The following BLTP1 variants were observed in gnomAD, a reference collection of about 807,000 sequenced individuals.
BLTP1 encodes fragile site-associated protein.
the BLTP1 span, among the ~76,000 whole-genome samples, chr4:122,178,439 G>A: frequency 2.6e-5 from 4 of 152,148 alleles, no homozygotes; most frequent in Non-Finnish European, 5.9e-5. Flanking sequence ...ATAAACAAAC[G>A]GTGACTGTAT....
At chr4:122,175,284 T>G in the BLTP1 span, 2 of 984,008 alleles carry the variant, frequency 2.0e-6, no homozygotes, top group South Asian at 9.4e-5. Flanking sequence ...AGTCTAAAAT[T>G]ATTTCCCAAT....
At chr4:122,237,469 C>T in the BLTP1 span, 2 of 625,180 alleles carry the variant, frequency 3.2e-6, no homozygotes, top group Non-Finnish European at 4.0e-6. Context: ...AAAAATGATA[C>T]AGTCCCTGTC....
the BLTP1 span, chr4:122,220,917 A>C: frequency 1.2e-5 from 2 of 173,530 alleles, no homozygotes; most frequent in Non-Finnish European, 2.3e-5. Context: ...AATTCCTTCA[A>C]GATACCTCTG....
chr4:122,362,313 A>T, the BLTP1 span: 3 of 1,233,160 alleles, frequency 2.4e-6, no homozygotes, highest in Non-Finnish European at 3.4e-6. Context: ...GTGTTTTTTT[A>T]GTATAATAAT....
chr4:122,285,842 TCTC>T, the BLTP1 span, among the ~76,000 whole-genome samples: 2 of 152,200 alleles, frequency 1.3e-5, no homozygotes, highest in South Asian at 4.1e-4. Context: ...TAATAAGGCT[TCTC>T]CTTATGCCCT....
chr4:122,340,389 T>C, the BLTP1 span, among the ~76,000 whole-genome samples: 1 of 152,114 alleles, frequency 6.6e-6, no homozygotes, highest in African/African-American at 2.4e-5. Context: ...CCTTTCTGAT[T>C]TGTAAGGAAA....
At chr4:122,313,609 TG>T in the BLTP1 span, 36 of 1,565,118 alleles carry the variant, frequency 2.3e-5, no homozygotes, top group Non-Finnish European at 3.0e-5. Flanking sequence ...AAACTATTTT[TG>T]GGGTGATTTT....
At chr4:122,215,411 G>A in the BLTP1 span, 2 of 985,206 alleles carry the variant, frequency 2.0e-6, no homozygotes, top group African/African-American at 1.7e-5. Flanking sequence ...CTTAAAATGA[G>A]TGCTGGTAAC....
the BLTP1 span, chr4:122,352,759 T>A: frequency 5.6e-6 from 5 of 898,862 alleles, no homozygotes; most frequent in East Asian, 9.8e-5. Context: ...CTTTATTAGC[T>A]ATTGCTTAAT....
At chr4:122,177,039 T>C in the BLTP1 span, among the ~76,000 whole-genome samples, 9,771 of 152,246 alleles carry the variant, frequency 0.064, 891 homozygotes, top group African/African-American at 0.2. Flanking sequence ...TCATCATCCT[T>C]GATTTCTCCT....
the BLTP1 span, among the ~76,000 whole-genome samples, chr4:122,201,559 C>G: frequency 6.6e-6 from 1 of 152,116 alleles, no homozygotes; most frequent in Non-Finnish European, 1.5e-5. Context: ...TTTCTGTTGG[C>G]ATGGATAATT....
At chr4:122,158,780 A>G in the BLTP1 span, among the ~76,000 whole-genome samples, 1 of 152,176 alleles carries the variant, frequency 6.6e-6, no homozygotes, top group East Asian at 1.9e-4. Flanking sequence ...CAAAAAAAAA[A>G]TAGTTTTTGA....
chr4:122,299,856 T>G, the BLTP1 span: 1 of 984,926 alleles, frequency 1.0e-6, no homozygotes, highest in Non-Finnish European at 1.2e-6. Context: ...TAATTATAAG[T>G]TGAAGAAAAG....
the BLTP1 span, chr4:122,272,254 G>A: frequency 4.3e-6 from 7 of 1,613,194 alleles, no homozygotes; most frequent in Non-Finnish European, 5.9e-6. Flanking sequence ...AACGTAGCTT[G>A]GTAACTTCTG....
the BLTP1 span, among the ~76,000 whole-genome samples, chr4:122,278,174 TAAA>T: frequency 6.6e-6 from 1 of 151,834 alleles, no homozygotes; most frequent in African/African-American, 2.4e-5. Flanking sequence ...ATTAAAGATA[TAAA>T]AAAAATAAAC....
At chr4:122,299,098 G>C in the BLTP1 span, 6 of 953,366 alleles carry the variant, frequency 6.3e-6, no homozygotes, top group Non-Finnish European at 7.5e-6. Flanking sequence ...ATTTAATTAG[G>C]GAAATTGCTG....
chr4:122,185,063 G>A, the BLTP1 span: 13 of 985,320 alleles, frequency 1.3e-5, no homozygotes, highest in Non-Finnish European at 1.6e-5. Flanking sequence ...TACTAGTGAA[G>A]TAATAGTGAA....
chr4:122,229,065 A>T, the BLTP1 span: 4 of 1,406,426 alleles, frequency 2.8e-6, no homozygotes, highest in African/African-American at 5.9e-5. Flanking sequence ...TGACTTAAGT[A>T]TCAAAATAAT....
chr4:122,164,191 G>T, the BLTP1 span, among the ~76,000 whole-genome samples: 7 of 152,200 alleles, frequency 4.6e-5, no homozygotes, highest in South Asian at 2.1e-4. Context: ...AGATGACTAG[G>T]TTAGAATTTT....
Sources: allele counts gnomAD v4.1 joint callset (sites outside exome capture counted in the v4.1 genomes callset), GRCh38; gene constraint gnomAD v4.1.1; transcripts MANE v1.5; gene names NCBI Gene and HGNC (gene_info 2026-07-23, HGNC 2026-07-21).